Variants in DLG2 observed in about 807,000 individuals in gnomAD.
DLG2 encodes disks large homolog 2.
A neutral mutation model predicts 132.5 loss-of-function variants in DLG2; 45 were observed. The observed-to-expected ratio is 0.34, with a 90% CI of 0.27 to 0.44. The LOEUF (loss-of-function observed/expected upper bound fraction) is 0.44, where lower values mean the gene tolerates loss of function less well. Among genes scored for constraint, DLG2 ranks in the 20% least tolerant of loss-of-function variants. The pLI is 1.00. For missense variants in DLG2, 1,045 were observed against 1,196.9 expected (o/e 0.87, Z 1.87); for synonymous variants, 424 against 419.6 (o/e 1.01, Z -0.13).
At chr11:84,266,732 A>T (rs895554035) in intron 7 of DLG2, among the ~76,000 whole-genome samples, 2 of 152,206 alleles carry the variant, frequency 1.3e-5, no homozygotes, top group Non-Finnish European at 2.9e-5. Flanking sequence ...GGGACCACAG[A>T]GGCAGAGTTG....
chr11:83,764,518 T>A (rs1425201543), intron 18 of DLG2, among the ~76,000 whole-genome samples: 5 of 152,180 alleles, frequency 3.3e-5, no homozygotes, highest in African/African-American at 1.2e-4. Flanking sequence ...TGAGGTTGGA[T>A]GGGAGTTACT....
At chr11:84,919,610 C>G (rs2092664198) in intron 6 of DLG2, among the ~76,000 whole-genome samples, 1 of 152,076 alleles carries the variant, frequency 6.6e-6, no homozygotes, top group Admixed American at 6.5e-5. Context: ...TGCTATAGGT[C>G]TAATACTTGC....
chr11:85,522,236 A>G (rs913650254), intron 3 of DLG2, among the ~76,000 whole-genome samples: 14 of 152,214 alleles, frequency 9.2e-5, no homozygotes, highest in African/African-American at 2.7e-4. Flanking sequence ...GGAAGCCCCA[A>G]GCCTTGGCAG....
chr11:84,437,830 T>A (rs970318562), intron 7 of DLG2: 2 of 152,424 alleles, frequency 1.3e-5, no homozygotes, highest in Non-Finnish European at 2.9e-5. Context: ...GAAGCTGCAG[T>A]CAAGTCCGGA....
chr11:83,973,546 G>A (rs1402104332), intron 12 of DLG2, among the ~76,000 whole-genome samples: 1 of 151,974 alleles, frequency 6.6e-6, no homozygotes, highest in East Asian at 1.9e-4. Flanking sequence ...GCAGGTAATT[G>A]CTAAATTATA....
chr11:85,286,188 G>A, intron 3 of DLG2: 1 of 401,152 alleles, frequency 2.5e-6, no homozygotes, highest in South Asian at 1.8e-5. Flanking sequence ...CTTGTGTCCT[G>A]TTGGGTACAG....
At chr11:85,450,293 A>T (rs576514831) in intron 3 of DLG2, among the ~76,000 whole-genome samples, 1 of 151,802 alleles carries the variant, frequency 6.6e-6, no homozygotes, top group South Asian at 2.1e-4. Flanking sequence ...ACAGGGAGAC[A>T]TTTTTTTTCA....
chr11:84,674,350 C>G (rs1480075316), intron 6 of DLG2, among the ~76,000 whole-genome samples: 1 of 152,044 alleles, frequency 6.6e-6, no homozygotes, highest in Non-Finnish European at 1.5e-5. Flanking sequence ...GAGTAGTCAT[C>G]ATCATTGTGA....
chr11:85,409,007 G>A (rs892245861), intron 3 of DLG2, among the ~76,000 whole-genome samples: 5 of 151,808 alleles, frequency 3.3e-5, no homozygotes, highest in Non-Finnish European at 7.4e-5. Flanking sequence ...GTGAGGAGAA[G>A]GAATTATTAT....
chr11:84,717,012 C>T (rs1389607227), intron 6 of DLG2, among the ~76,000 whole-genome samples: 4 of 151,970 alleles, frequency 2.6e-5, no homozygotes, highest in Admixed American at 2.6e-4. Context: ...CAGGATGCAA[C>T]AAGACGGACC....
chr11:84,501,740 T>C (rs925895453), intron 7 of DLG2, among the ~76,000 whole-genome samples: 5 of 152,230 alleles, frequency 3.3e-5, no homozygotes, highest in African/African-American at 1.2e-4. Flanking sequence ...TGGATTAATG[T>C]TCTCTAAATT....
chr11:84,314,162 A>G (rs1390225266), intron 7 of DLG2, among the ~76,000 whole-genome samples: 1 of 152,244 alleles, frequency 6.6e-6, no homozygotes, highest in Non-Finnish European at 1.5e-5. Context: ...CTCCGAGGGC[A>G]AGATCCAAGC....
chr11:84,905,378 G>A (rs566576997), intron 6 of DLG2, among the ~76,000 whole-genome samples: 16 of 152,166 alleles, frequency 1.1e-4, no homozygotes, highest in Non-Finnish European at 2.2e-4. Flanking sequence ...TTCTCTCTCT[G>A]CCATTAAAAG....
intron 6 of DLG2, among the ~76,000 whole-genome samples, chr11:84,805,341 T>A (rs1366650012): frequency 6.6e-6 from 1 of 151,840 alleles, no homozygotes; most frequent in African/African-American, 2.4e-5. Flanking sequence ...CAGAATTACA[T>A]AGAAAATCAG....
At chr11:85,376,429 C>A (rs1024177743) in intron 3 of DLG2, among the ~76,000 whole-genome samples, 17 of 152,188 alleles carry the variant, frequency 1.1e-4, no homozygotes, top group African/African-American at 4.1e-4. Context: ...CATGGTCTTA[C>A]AACTGGTAAA....
intron 18 of DLG2, among the ~76,000 whole-genome samples, chr11:83,684,932 T>C (rs1342161804): frequency 6.6e-6 from 1 of 152,150 alleles, no homozygotes; most frequent in East Asian, 1.9e-4. Flanking sequence ...TAATTACCAC[T>C]TCAACCAACA....
intron 6 of DLG2, chr11:84,936,558 T>TA (rs2048770680): frequency 6.6e-6 from 1 of 152,128 alleles, no homozygotes; most frequent in South Asian, 2.1e-4. Flanking sequence ...TGCAATATAA[T>TA]ACAATTCTAT....
rs147117615 is a variant in DLG2 at position 84,631,412 on chromosome 11, C to T, written c.358-96681G>A. 8.5e-5 allele frequency among the ~76,000 whole-genome samples: 13 copies of T among 152,122 alleles called. 1 individual carries two copies. The East Asian group carries it at 2.5e-3, about 29-fold the overall frequency. ...ATTATTTTGGGAAAAATGAACTGTG[C>T]TATAGAGAAAATGATTTAAGATTTA... On this transcript the variant is annotated intron_variant, in intron 6 of 27. Coordinates refer to ENST00000376104, the MANE Select transcript of DLG2 (RefSeq NM_001142699.3).
rs60924473 is a variant in DLG2, at chr11:83,726,748, AAAACAAACAAAC to A, written c.1825+59930_1825+59941del. ...CCCTGAGAGACATCAGATCTGCCTG[AAAACAAACAAAC>A]AAACAAACAAACAAACAAACAAACA... On this transcript the variant is annotated intron_variant, in intron 18 of 27. Transcript: ENST00000376104. 1.3e-3 allele frequency among the ~76,000 whole-genome samples: 196 copies of A among 150,304 alleles called. No homozygotes were observed. In the East Asian group the frequency reaches 0.014, roughly 11 times the overall value.
Sources: gnomAD v4.1 joint callset for allele counts (sites outside exome capture counted in the v4.1 genomes callset) on GRCh38, gnomAD v4.1.1 for gene constraint, MANE v1.5 for transcripts, NCBI Gene and HGNC (gene_info 2026-07-23, HGNC 2026-07-21) for gene names.